Variants in SFRP1 observed in about 807,000 individuals in gnomAD.
SFRP1 encodes secreted frizzled related protein 1, also known as secreted frizzled-related protein 1.
In SFRP1, 9 loss-of-function variants were observed where a neutral mutation model predicts 25.9. The ratio of observed to expected loss-of-function variants is 0.35; its 90% confidence interval spans 0.21 to 0.61. SFRP1 has a LOEUF of 0.61. Ranked by LOEUF, SFRP1 falls within the 20% of genes least tolerant of loss-of-function variation. The pLI, the probability that SFRP1 is intolerant of heterozygous loss-of-function variation, is 0.78. For missense variants in SFRP1, 346 were observed against 418.2 expected, an observed-to-expected ratio of 0.83 and a Z score of 1.51; for synonymous variants, 178 against 174.0, an observed-to-expected ratio of 1.02 and a Z score of -0.18.
At chr8:41,279,775 CAA>C (rs34101728) in intron 2 of SFRP1, among the ~76,000 whole-genome samples, 13 of 111,262 alleles carry the variant, frequency 1.2e-4, no homozygotes, top group Non-Finnish European at 1.3e-4. Context: ...GCTAAGAAAG[CAA>C]AAAAAAAAAA....
At chr8:41,290,591 G>A (rs1375854631) in intron 2 of SFRP1, among the ~76,000 whole-genome samples, 1 of 152,192 alleles carries the variant, frequency 6.6e-6, no homozygotes, top group Admixed American at 6.5e-5. Flanking sequence ...GGTGTCCCGG[G>A]GGCACTGACC....
At chr8:41,295,957 C>T (rs567325009) in intron 2 of SFRP1, among the ~76,000 whole-genome samples, 4 of 152,180 alleles carry the variant, frequency 2.6e-5, no homozygotes, top group Admixed American at 2.0e-4. Flanking sequence ...TTGTGGGATG[C>T]GGAGGGCAAC....
At chr8:41,283,190 T>C (rs776998406) in intron 2 of SFRP1, among the ~76,000 whole-genome samples, 17 of 152,222 alleles carry the variant, frequency 1.1e-4, no homozygotes, top group Non-Finnish European at 2.4e-4. Context: ...TCCTTCCCTT[T>C]GCTACAATAA....
chr8:41,294,952 C>G (rs1018319519), intron 2 of SFRP1, among the ~76,000 whole-genome samples: 2 of 152,180 alleles, frequency 1.3e-5, no homozygotes, highest in African/African-American at 2.4e-5. Context: ...TTAAACTCAG[C>G]CCTGCAGGAA....
At position 41,265,479 on chromosome 8, in the gene SFRP1, C is replaced by T. The variant is rs762885491; in HGVS notation, c.633G>A (p.Met211Ile). The T allele has an allele frequency of 6.2e-7, 1 of 1,606,354 alleles. No individual in the cohort carries two copies. Among genetic ancestry groups the T allele is most frequent in the Admixed American group, 1.7e-5 (1 of 58,258 alleles). ...TTTCTTTTTTCACTTCTTTTATTTT[C>T]ATCCTCAGTGCTAGAGATGGAGAGG... ...HLCASEFALR[M>I]KIKEVKKENG... Residue 211 changes from methionine to isoleucine, a missense_variant, in exon 3 of 3, where the codon ATG becomes ATA. By Grantham distance (10) the Met-to-Ile change is conservative (BLOSUM62 1). Transcript: ENST00000220772.
intron 2 of SFRP1, among the ~76,000 whole-genome samples, chr8:41,289,074 C>G (rs1343899527): frequency 2.0e-5 from 3 of 152,202 alleles, no homozygotes; most frequent in African/African-American, 7.2e-5. Flanking sequence ...GCGTCCAACT[C>G]AGTTTTCATC....
rs112286404 is a variant in SFRP1 at position 41,275,516 on chromosome 8, T to A, written c.623-10027A>T. Among the ~76,000 whole-genome samples the A allele has an allele frequency of 6.3e-3, 955 of 151,922 alleles. 7 individuals are homozygous for A. The highest frequency in any genetic ancestry group is 0.021 in the African/African-American group (890 of 41,422). ...GACTGGCAAACTCTTTTTGTTTTTT[T>A]TTTTTAGACAGAGTTTTGCTCTTTT... On this transcript the variant is annotated intron_variant, in intron 2 of 2. Coordinates refer to ENST00000220772, the MANE Select transcript of SFRP1 (RefSeq NM_003012.5).
At chr8:41,278,427 A>G (rs945843162) in intron 2 of SFRP1, among the ~76,000 whole-genome samples, 1 of 152,210 alleles carries the variant, frequency 6.6e-6, no homozygotes, top group Non-Finnish European at 1.5e-5. Context: ...TCTGGATCCC[A>G]GCGTAGCCAT....
At chr8:41,306,652 C>T in intron 1 of SFRP1, 1 of 1,541,464 alleles carries the variant, frequency 6.5e-7, no homozygotes, top group Non-Finnish European at 8.7e-7. Context: ...GTCCCAAGCC[C>T]CACTCCCGAC....
chr8:41,303,741 T>C (rs1374823183), intron 1 of SFRP1, among the ~76,000 whole-genome samples: 2 of 152,146 alleles, frequency 1.3e-5, no homozygotes, highest in Non-Finnish European at 2.9e-5. Context: ...TTGAAACATT[T>C]TGGCCCAGAG....
intron 2 of SFRP1, among the ~76,000 whole-genome samples, chr8:41,280,161 C>G (rs4736803): frequency 0.18 from 27,261 of 152,138 alleles, 4,445 homozygotes; most frequent in African/African-American, 0.4. Context: ...AGGGGGAGGG[C>G]TGACGGAGCT....
chr8:41,278,839 G>C (rs1803601698), intron 2 of SFRP1, among the ~76,000 whole-genome samples: 1 of 152,206 alleles, frequency 6.6e-6, no homozygotes, highest in South Asian at 2.1e-4. Context: ...TTTGCTGAGA[G>C]ACCCCTGACA....
chr8:41,263,256 A>G lies in SFRP1; in HGVS notation c.*1911T>C, dbSNP rs117452764. The G allele has an allele frequency of 0.021, 3,174 of 152,780 alleles. 59 individuals carry two copies. Among genetic ancestry groups the G allele is most frequent in the Non-Finnish European group, 0.032 (2,183 of 68,036 alleles). The allele number at this position is 152,780 out of a possible 1,614,324, so 9.5% of individuals were successfully genotyped here. Reference sequence around the variant, plus strand: ...GACAACAGAGAAGTAGAATATTTCTAATTAGCTAATATATATACACATTTT... The same window carrying G: ...GACAACAGAGAAGTAGAATATTTCTGATTAGCTAATATATATACACATTTT... On this transcript the variant is annotated 3_prime_UTR_variant, in exon 3 of 3. Coordinates refer to ENST00000220772, the MANE Select transcript of SFRP1 (RefSeq NM_003012.5).
At chr8:41,298,456 G>C (rs939037223) in intron 2 of SFRP1, among the ~76,000 whole-genome samples, 3 of 152,022 alleles carry the variant, frequency 2.0e-5, no homozygotes, top group Non-Finnish European at 4.4e-5. Context: ...GCCCAGGCTG[G>C]AGTACAGTGG....
intron 2 of SFRP1, chr8:41,275,056 T>A: frequency 3.1e-6 from 1 of 324,620 alleles, no homozygotes; most frequent in Non-Finnish European, 6.0e-6. Context: ...ACTGATTTAG[T>A]CAATCCCCAT....
In SFRP1 at chr8:41,293,685, T is replaced by A. The variant is rs1227791213; in HGVS notation, c.622+9776A>T. 2.6e-5 allele frequency among the ~76,000 whole-genome samples: 4 copies of A among 152,010 alleles called. No homozygotes were observed. In the East Asian group the frequency reaches 7.7e-4, roughly 29 times the overall value. ...AACTACGCACAAAGGCATCTGAAGT[T>A]ACCAAAGAGCAGAGACAAAAAAGCA... is the stretch of plus-strand genomic sequence containing the variant. On this transcript the variant is annotated intron_variant, in intron 2 of 2. Transcript: ENST00000220772.
At chr8:41,304,572 ACTC>A (rs1377539536) in intron 1 of SFRP1, among the ~76,000 whole-genome samples, 1 of 152,076 alleles carries the variant, frequency 6.6e-6, no homozygotes, top group Non-Finnish European at 1.5e-5. Flanking sequence ...CTGACCCTGC[ACTC>A]GGGGAGTGCA....
chr8:41,308,665 G>T lies in SFRP1; in HGVS notation c.495C>A (p.Val165=). The change falls in exon 1 of 3, where the codon GTC becomes GTA. Residue 165 remains valine, a synonymous_variant. Coordinates refer to ENST00000220772, the MANE Select transcript of SFRP1 (RefSeq NM_003012.5). ...LKCDKFPEGD[V]CIAMTPPNAT... ...CATTGGGCGGCGTCATGGCGATGCA[G>T]ACGTCCCCCTCGGGGAACTTGTCAC... 6.2e-7 allele frequency: 1 copy of T among 1,610,842 alleles called. No individual in the cohort carries two copies. The highest frequency in any genetic ancestry group is 8.5e-7 in the Non-Finnish European group (1 of 1,178,170).
chr8:41,300,358 T>C (rs1208509652), intron 2 of SFRP1, among the ~76,000 whole-genome samples: 2 of 152,216 alleles, frequency 1.3e-5, no homozygotes, highest in Non-Finnish European at 2.9e-5. Context: ...GGAAAGTTTC[T>C]AGGGGCAAAG....
Sources: allele counts gnomAD v4.1 joint callset (sites outside exome capture counted in the v4.1 genomes callset), GRCh38; gene constraint gnomAD v4.1.1; transcripts MANE v1.5; gene names NCBI Gene and HGNC (gene_info 2026-07-23, HGNC 2026-07-21).